The following IGF2R variants were observed in gnomAD, a reference collection of about 807,000 sequenced individuals.
IGF2R encodes insulin like growth factor 2 receptor, also known as cation-independent mannose-6-phosphate receptor.
A neutral mutation model predicts 270.6 loss-of-function variants in IGF2R; 91 were observed. That is an observed-to-expected ratio of 0.34 (90% confidence interval 0.28 to 0.40). The LOEUF (loss-of-function observed/expected upper bound fraction) is 0.40. Ranked by LOEUF, IGF2R falls within the 10% of genes least tolerant of loss-of-function variation. The probability of loss-of-function intolerance (pLI) is 1.00; values close to 1 mark genes in which losing one functional copy is unlikely to be tolerated. For missense variants in IGF2R, 2,805 were observed against 3,188.3 expected (o/e 0.88, Z 2.90); for synonymous variants, 1,316 against 1,258.9 (o/e 1.05, Z -0.96).
intron 44 of IGF2R, among the ~76,000 whole-genome samples, chr6:160,092,518 C>T (rs543925272): frequency 6.6e-6 from 1 of 152,256 alleles, no homozygotes; most frequent in Non-Finnish European, 1.5e-5. Flanking sequence ...TCACTTTCTT[C>T]ATTCACCAGC....
chr6:160,032,625 C>G lies in IGF2R; in HGVS notation c.957C>G (p.His319Gln), dbSNP rs764333228. ...AGTGGATTACTGAGTATGCCTGCCA[C>G]AGAGATTACCTGGAAAGTAAAACTT... is the stretch of plus-strand genomic sequence containing the variant. ...EIEWITEYAC[H>Q]RDYLESKTCS... Residue 319 changes from histidine to glutamine, a missense_variant, in exon 8 of 48, where the codon CAC (histidine) becomes CAG (glutamine). By Grantham distance (24) the His-to-Gln change is conservative. This residue lies in a region of IGF2R where 954 missense variants were observed against 981.1 expected (regional missense o/e 0.97). Transcript: ENST00000356956. 5.5e-5 allele frequency: 89 copies of G among 1,614,066 alleles called. 1 individual carries two copies. In the South Asian group the frequency reaches 9.0e-4, roughly 16 times the overall value.
intron 4 of IGF2R, among the ~76,000 whole-genome samples, chr6:160,021,673 A>G (rs1473460450): frequency 6.6e-6 from 1 of 152,114 alleles, no homozygotes; most frequent in African/African-American, 2.4e-5. Context: ...AAACCCCACA[A>G]TGAGATACCA....
At chr6:159,970,301 A>G (rs909019617) in intron 1 of IGF2R, among the ~76,000 whole-genome samples, 8 of 152,182 alleles carry the variant, frequency 5.3e-5, no homozygotes, top group African/African-American at 1.9e-4. Flanking sequence ...TTTGGTAAAA[A>G]GGAAGCAGGA....
chr6:159,981,639 G>A (rs963584396), intron 1 of IGF2R, among the ~76,000 whole-genome samples: 2 of 152,170 alleles, frequency 1.3e-5, no homozygotes, highest in African/African-American at 4.8e-5. Context: ...TAGGCTAGCT[G>A]AGTTTTGTCG....
chr6:160,063,406 T>A lies in IGF2R; in HGVS notation c.3671-9T>A. On this transcript the variant is annotated splice_polypyrimidine_tract_variant and intron_variant, in intron 26 of 47. Coordinates refer to ENST00000356956, the MANE Select transcript of IGF2R (RefSeq NM_000876.4). ...GCAGTTGCCCTTCACTTCTTCCATG[T>A]TCTTGAAGGGGACAACTGTGAGGTG... 3 of 1,606,160 alleles carry A rather than the reference T, an allele frequency of 1.9e-6. No homozygotes were observed. The highest frequency in any genetic ancestry group is 2.6e-6 in the Non-Finnish European group (3 of 1,174,472).
Position 160,096,429 on chromosome 6 carries a change from C to T in IGF2R, c.6656-10C>T, listed in dbSNP as rs534808472. ...GGTGACATGCCATGTGTGCCCTTCC[C>T]GTTTGACAGACGGCGATCTCGATGT... On this transcript the variant is annotated splice_polypyrimidine_tract_variant and intron_variant, in intron 44 of 47. Transcript: ENST00000356956. 1.2e-5 allele frequency: 19 copies of T among 1,606,830 alleles called. No individual in the cohort carries two copies. Among genetic ancestry groups the T allele is most frequent in the African/African-American group, 9.3e-5 (7 of 74,940 alleles).
At chr6:160,064,773 C>G in intron 28 of IGF2R, 31 bp from the exon 29 acceptor site, 13 of 1,465,876 alleles carry the variant, frequency 8.9e-6, no homozygotes, top group Non-Finnish European at 1.1e-5. Context: ...TGCATTCTCA[C>G]TTTTATATAT....
chr6:159,983,725 C>T (rs987794585), intron 1 of IGF2R, among the ~76,000 whole-genome samples: 2 of 152,182 alleles, frequency 1.3e-5, no homozygotes, highest in Non-Finnish European at 2.9e-5. Flanking sequence ...TTGGACTCTG[C>T]TGAGCTGAGT....
At chr6:159,970,772 G>A (rs1783597417) in intron 1 of IGF2R, among the ~76,000 whole-genome samples, 1 of 152,218 alleles carries the variant, frequency 6.6e-6, no homozygotes, top group South Asian at 2.1e-4. Context: ...AATGGCTTCT[G>A]TGACCAAAAA....
rs1159833176 is a variant in IGF2R, at chr6:160,032,672, A to G, written c.1004A>G (p.Gln335Arg). ...ACTTGTTCTCTGAGCGGCGAGCAGC[A>G]GGATGTCTCCATAGACCTCACACCA... The part of the protein sequence containing the change: ...SKTCSLSGEQ[Q>R]DVSIDLTPLA... The change falls in exon 8 of 48, where the codon CAG becomes CGG. Residue 335 changes from glutamine to arginine, a missense_variant. Physicochemically the swap from Gln to Arg is conservative, Grantham distance 43. Coordinates refer to ENST00000356956, the MANE Select transcript of IGF2R (RefSeq NM_000876.4). 1.2e-6 allele frequency: 2 copies of G among 1,614,182 alleles called. No individual in the cohort carries two copies. The highest frequency in any genetic ancestry group is 1.1e-5 in the South Asian group (1 of 91,086).
In IGF2R at chr6:160,046,711, A is replaced by C. The variant is rs531673736; in HGVS notation, c.2051+66A>C. 8 of 1,515,542 alleles carry C rather than the reference A, an allele frequency of 5.3e-6. No homozygotes were observed. The Admixed American group carries it at 1.6e-4, about 30-fold the overall frequency. 93.9% of individuals were successfully genotyped at this position (1,515,542 alleles called of 1,614,324 possible). A position where few individuals can be genotyped will look rare whatever the true frequency, so the allele number is the denominator to read the frequency against. On this transcript the variant is annotated intron_variant, in intron 15 of 47. Coordinates refer to ENST00000356956, the MANE Select transcript of IGF2R (RefSeq NM_000876.4). ...ATGCTAAGAAATATTATTTTCAGGA[A>C]TAGGTGTGTTCTCACTTAATGTCAT... is the stretch of plus-strand genomic sequence containing the variant.
At chr6:160,089,313 C>A in intron 43 of IGF2R, 60 bp downstream of exon 43, 1 of 1,473,460 alleles carries the variant, frequency 6.8e-7, no homozygotes, top group African/African-American at 1.4e-5. Context: ...CCAGCAATGC[C>A]GCTCTTTCCC....
chr6:159,982,029 A>G lies in IGF2R; in HGVS notation c.150-9155A>G, dbSNP rs1181394682. ...TAGAATAGGAAGTGAAGTACTTCCTATATAAGCTCTGGCCATGCTGTGTCA... is the reference window on the plus strand; with the variant it reads ...TAGAATAGGAAGTGAAGTACTTCCTGTATAAGCTCTGGCCATGCTGTGTCA... On this transcript the variant is annotated intron_variant, in intron 1 of 47. Coordinates refer to ENST00000356956, the MANE Select transcript of IGF2R (RefSeq NM_000876.4). Among the ~76,000 whole-genome samples the G allele has an allele frequency of 3.3e-5, 5 of 152,188 alleles. No individual in the cohort carries two copies. In the South Asian group the frequency reaches 8.3e-4, roughly 25 times the overall value.
Position 160,105,785 on chromosome 6 carries a change from G to A in IGF2R, c.*701G>A, listed in dbSNP as rs539615001. ...AGAGTTTGCCTGTTCTATGCCTTTAGTCAGGAATGGCTGCACCTTTTTGCA... is the reference window on the plus strand; with the variant it reads ...AGAGTTTGCCTGTTCTATGCCTTTAATCAGGAATGGCTGCACCTTTTTGCA... On this transcript the variant is annotated 3_prime_UTR_variant, in exon 48 of 48. Transcript: ENST00000356956. 1.3e-5 allele frequency: 2 copies of A among 152,812 alleles called. No individual in the cohort carries two copies. The highest frequency in any genetic ancestry group is 4.1e-4 in the South Asian group (2 of 4,820). The allele number at this position is 152,812 out of a possible 1,614,324, so 9.5% of individuals were successfully genotyped here. A position where few individuals can be genotyped will look rare whatever the true frequency, so the allele number is the denominator to read the frequency against.
intron 1 of IGF2R, among the ~76,000 whole-genome samples, chr6:159,980,183 A>G (rs1417342263): frequency 1.2e-4 from 15 of 121,966 alleles, no homozygotes; most frequent in East Asian, 5.0e-4. Context: ...TCCGTCTCAA[A>G]AAAGAAAGAA....
At chr6:160,061,974 A>C (rs74895070) in intron 25 of IGF2R, 46 bp downstream of exon 25, 1 of 1,549,430 alleles carries the variant, frequency 6.5e-7, no homozygotes, top group African/African-American at 1.4e-5. Flanking sequence ...GGGTGACTCC[A>C]TTTCCCATTT....
intron 23 of IGF2R, among the ~76,000 whole-genome samples, chr6:160,061,030 T>A (rs1334621328): frequency 2.6e-5 from 4 of 152,104 alleles, no homozygotes; most frequent in African/African-American, 7.2e-5. Flanking sequence ...GCTTCTTATT[T>A]GAGGGTGAAA....
chr6:160,087,822 C>T (rs1160790046), intron 41 of IGF2R, among the ~76,000 whole-genome samples: 1 of 152,080 alleles, frequency 6.6e-6, no homozygotes, highest in African/African-American at 2.4e-5. Context: ...ATTACAGGCA[C>T]CTGCCACCGT....
At chr6:159,992,676 C>G (rs893460433) in intron 2 of IGF2R, among the ~76,000 whole-genome samples, 1 of 151,976 alleles carries the variant, frequency 6.6e-6, no homozygotes, top group Non-Finnish European at 1.5e-5. Context: ...TTGATGGACA[C>G]TTAGGTTTAT....
Sources: allele counts gnomAD v4.1 joint callset (sites outside exome capture counted in the v4.1 genomes callset), GRCh38; gene constraint gnomAD v4.1.1; regional missense constraint gnomAD v4.1.1; transcripts MANE v1.5; gene names NCBI Gene and HGNC (gene_info 2026-07-23, HGNC 2026-07-21).